Variants in SPNS2 observed in about 807,000 individuals in gnomAD.
SPNS2 encodes the protein SPNS lysolipid transporter 2, sphingosine-1-phosphate.
In SPNS2, 37 loss-of-function variants were observed where a neutral mutation model predicts 57.6. That is an observed-to-expected ratio of 0.64 (90% CI 0.49 to 0.85). The LOEUF is 0.85. Ranked by LOEUF, SPNS2 falls within the 40% of genes least tolerant of loss-of-function variation. The pLI is 0.00. For missense variants in SPNS2, 831 were observed against 779.1 expected, an observed-to-expected ratio of 1.07 and a Z score of -0.79; for synonymous variants, 440 against 346.9, an observed-to-expected ratio of 1.27 and a Z score of -2.98.
At chr17:4,535,055 T>C (rs1308777065) in intron 9 of SPNS2, among the ~76,000 whole-genome samples, 2 of 152,132 alleles carry the variant, frequency 1.3e-5, no homozygotes, top group Non-Finnish European at 2.9e-5. Flanking sequence ...TGGGTGCTGG[T>C]TGCTTGCACA....
At chr17:4,520,783 G>T (rs755801465) in intron 2 of SPNS2, among the ~76,000 whole-genome samples, 1 of 152,086 alleles carries the variant, frequency 6.6e-6, no homozygotes, top group East Asian at 1.9e-4. Flanking sequence ...TGGCTCAGCC[G>T]CACACTCGCT....
chr17:4,537,662 C>T lies in SPNS2; in HGVS notation c.*214C>T, dbSNP rs564278757. ...GAAGGATGTGTGTGTTGGAGCCACA[C>T]GGTTGGACAGGTTCCCAGCCCTAGG... is the stretch of plus-strand genomic sequence containing the variant. On this transcript the variant is annotated 3_prime_UTR_variant, in exon 13 of 13. Coordinates refer to ENST00000329078, the MANE Select transcript of SPNS2 (RefSeq NM_001124758.3). 3.9e-5 allele frequency: 18 copies of T among 456,776 alleles called. No individual in the cohort carries two copies. Among genetic ancestry groups the T allele is most frequent in the African/African-American group, 1.8e-4 (9 of 50,222 alleles). 28.3% of individuals were successfully genotyped at this position (456,776 alleles called of 1,614,324 possible). A position where few individuals can be genotyped will look rare whatever the true frequency, so the allele number is the denominator to read the frequency against.
chr17:4,523,851 T>G (rs1032201761), intron 2 of SPNS2, among the ~76,000 whole-genome samples: 80 of 152,170 alleles, frequency 5.3e-4, no homozygotes, highest in African/African-American at 1.9e-3. Flanking sequence ...ACAAGCTGTG[T>G]TATTGATTTG....
intron 5 of SPNS2, 112 bp downstream of exon 5, chr17:4,531,231 G>A: frequency 1.0e-6 from 1 of 962,102 alleles, no homozygotes; most frequent in Admixed American, 2.0e-5. Flanking sequence ...TCCTCCCCTG[G>A]CTGCGTGGAC....
At chr17:4,532,825 C>G in intron 6 of SPNS2, 141 bp downstream of exon 6, 1 of 1,452,932 alleles carries the variant, frequency 6.9e-7, no homozygotes, top group South Asian at 1.3e-5. Flanking sequence ...ACATTTTGGC[C>G]CCAGAATCGA....
chr17:4,537,871 G>C lies in SPNS2; in HGVS notation c.*423G>C. 2.2e-6 allele frequency: 1 copy of C among 451,528 alleles called. No homozygotes were observed. The highest frequency in any genetic ancestry group is 4.5e-6 in the Non-Finnish European group (1 of 223,216). 28.0% of individuals were successfully genotyped at this position (451,528 alleles called of 1,614,324 possible). A position where few individuals can be genotyped will look rare whatever the true frequency, so the allele number is the denominator to read the frequency against. On this transcript the variant is annotated 3_prime_UTR_variant, in exon 13 of 13. Transcript: ENST00000329078. ...GCAAAGCACGATCTGCAGCTTTGAA[G>C]ACTCAACAGACCCTGGACCATACGG...
Position 4,539,011 on chromosome 17 carries a change from T to C in SPNS2, c.*1563T>C, listed in dbSNP as rs754004499. On this transcript the variant is annotated 3_prime_UTR_variant, in exon 13 of 13. Coordinates refer to ENST00000329078, the MANE Select transcript of SPNS2 (RefSeq NM_001124758.3). Reference sequence around the variant, plus strand: ...AAGCCAAATATATTCCTCTTGTAAATGAAGAAATAAACCTATTTAAATCAC... The same window carrying C: ...AAGCCAAATATATTCCTCTTGTAAACGAAGAAATAAACCTATTTAAATCAC... The C allele has an allele frequency of 3.7e-6, 3 of 819,452 alleles. No homozygotes were observed. The highest frequency in any genetic ancestry group is 3.4e-5 in the Admixed American group (2 of 58,882). The allele number at this position is 819,452 out of a possible 1,614,324, so 50.8% of individuals were successfully genotyped here. A position where few individuals can be genotyped will look rare whatever the true frequency, so the allele number is the denominator to read the frequency against.
chr17:4,521,449 G>A (rs549367177), intron 2 of SPNS2, among the ~76,000 whole-genome samples: 36 of 152,358 alleles, frequency 2.4e-4, no homozygotes, highest in African/African-American at 8.4e-4. Flanking sequence ...GACCAAGGCC[G>A]GCCTGCTCTG....
At position 4,533,232 on chromosome 17, in the gene SPNS2, T is replaced by C. The variant is rs201071887; in HGVS notation, c.1089-11T>C. On this transcript the variant is annotated splice_polypyrimidine_tract_variant and intron_variant, in intron 7 of 12. Transcript: ENST00000329078. ...CCTCAACTCGTGCGCCACCATCCTC[T>C]GTCCCCACAGCCTCATCTTTGGGGC... 9 of 1,591,322 alleles carry C rather than the reference T, an allele frequency of 5.7e-6. No individual in the cohort carries two copies. The East Asian group carries it at 1.8e-4, about 32-fold the overall frequency.
At chr17:4,516,295 C>G (rs1346749036) in intron 2 of SPNS2, among the ~76,000 whole-genome samples, 2 of 117,348 alleles carry the variant, frequency 1.7e-5, no homozygotes, top group African/African-American at 3.3e-5. Context: ...GCCTGGGTGA[C>G]AGAGTGAGAC....
chr17:4,534,942 TTAAGTG>T (rs1274991542), intron 9 of SPNS2, among the ~76,000 whole-genome samples: 1 of 152,144 alleles, frequency 6.6e-6, no homozygotes, highest in Admixed American at 6.5e-5. Context: ...TCCCGGTTTA[TTAAGTG>T]TAACAGTTTA....
At chr17:4,527,235 A>C (rs937826238) in intron 3 of SPNS2, among the ~76,000 whole-genome samples, 2 of 152,256 alleles carry the variant, frequency 1.3e-5, no homozygotes, top group African/African-American at 4.8e-5. Flanking sequence ...AATGCCCAGG[A>C]ACAGCCAAGA....
At position 4,538,176 on chromosome 17, in the gene SPNS2, GC is replaced by G; in HGVS notation, c.*733del. ...CTGGCTGCAGCTGTACACCACCTGTGCCCCCAGGCTCAAGGTCTCTGGCAGG... is the reference window on the plus strand; with the variant it reads ...CTGGCTGCAGCTGTACACCACCTGTGCCCCAGGCTCAAGGTCTCTGGCAGG... On this transcript the variant is annotated 3_prime_UTR_variant, in exon 13 of 13. Transcript: ENST00000329078. 4.0e-6 allele frequency: 1 copy of G among 251,072 alleles called. No individual in the cohort carries two copies. The allele number at this position is 251,072 out of a possible 1,614,324, so 15.6% of individuals were successfully genotyped here.
chr17:4,521,327 T>G (rs966201559), intron 2 of SPNS2, among the ~76,000 whole-genome samples: 3 of 152,204 alleles, frequency 2.0e-5, no homozygotes, highest in Non-Finnish European at 4.4e-5. Context: ...CCTGCCACAT[T>G]CTGATCTGAT....
chr17:4,516,341 A>C (rs1210078164), intron 2 of SPNS2, among the ~76,000 whole-genome samples: 5,469 of 65,096 alleles, frequency 0.084, 299 homozygotes, highest in South Asian at 0.14. Flanking sequence ...AAAAAAAAAA[A>C]AACAAAAAAA....
chr17:4,509,644 C>G (rs1294903852), intron 1 of SPNS2, among the ~76,000 whole-genome samples: 1 of 152,212 alleles, frequency 6.6e-6, no homozygotes, highest in Non-Finnish European at 1.5e-5. Flanking sequence ...CCCTGCCAGG[C>G]GAGAGAGACT....
intron 1 of SPNS2, among the ~76,000 whole-genome samples, chr17:4,500,745 G>A (rs994626618): frequency 1.3e-5 from 2 of 152,132 alleles, no homozygotes; most frequent in African/African-American, 4.8e-5. Flanking sequence ...CTGTTGAATG[G>A]AGTTTTGTGT....
chr17:4,513,602 G>A (rs1904909438), intron 2 of SPNS2, among the ~76,000 whole-genome samples: 1 of 152,184 alleles, frequency 6.6e-6, no homozygotes, highest in Admixed American at 6.5e-5. Context: ...TGGGTCCTGG[G>A]GCCTCATCGG....
At chr17:4,520,233 G>C (rs745822557) in intron 2 of SPNS2, among the ~76,000 whole-genome samples, 1 of 152,324 alleles carries the variant, frequency 6.6e-6, no homozygotes, top group Admixed American at 6.5e-5. Context: ...GGGCCGGTGG[G>C]TGGGGACGGG....
Sources: gnomAD v4.1 joint callset for allele counts (sites outside exome capture counted in the v4.1 genomes callset) on GRCh38, gnomAD v4.1.1 for gene constraint, MANE v1.5 for transcripts, NCBI Gene and HGNC (gene_info 2026-07-23, HGNC 2026-07-21) for gene names.